WDCP: variants seen among roughly 807,000 people sequenced by gnomAD.
The protein encoded by WDCP is WD repeat and coiled-coil-containing protein.
Under a neutral mutation model 41.6 loss-of-function variants are expected in WDCP, and 19 were observed. The observed-to-expected ratio is 0.46, with a 90% CI of 0.32 to 0.67. WDCP has a LOEUF of 0.67. Among genes scored for constraint, WDCP ranks in the 30% least tolerant of loss-of-function variants. The pLI is 0.04. For synonymous variants in WDCP, 302 were observed against 320.8 expected (o/e 0.94, Z 0.63); for missense variants, 802 against 850.7 (o/e 0.94, Z 0.71).
At chr2:24,031,807 C>T (rs546103772) in intron 3 of WDCP, among the ~76,000 whole-genome samples, 1 of 150,032 alleles carries the variant, frequency 6.7e-6, no homozygotes, top group Admixed American at 6.6e-5. Context: ...GCCTGGGTGA[C>T]AGAGTGAGAC....
Position 24,038,575 on chromosome 2 carries a change from T to A in WDCP, c.920A>T (p.Asp307Val). The A allele has an allele frequency of 6.2e-7, 1 of 1,614,080 alleles. No homozygotes were observed. ...GNSLICLRKKDYLTGTGQDSS... is the reference protein window; with the variant it reads ...GNSLICLRKKVYLTGTGQDSS... Reference sequence around the variant, plus strand: ...ATCTTGGCCAGTTCCTGTCAAGTAGTCCTTTTTTCTTAGACAAATAAGAGA... The same window carrying A: ...ATCTTGGCCAGTTCCTGTCAAGTAGACCTTTTTTCTTAGACAAATAAGAGA... The change falls in exon 2 of 4, where the codon GAC becomes GTC. Residue 307 changes from aspartate (D) to valine (V), a missense_variant. This residue lies in a region of WDCP where 247 missense variants were observed against 240.5 expected (regional missense o/e 1.03). Coordinates refer to ENST00000295148, the MANE Select transcript of WDCP (RefSeq NM_025203.3).
chr2:24,032,028 CAT>C (rs995554906), intron 3 of WDCP, among the ~76,000 whole-genome samples: 11 of 152,136 alleles, frequency 7.2e-5, no homozygotes, highest in African/African-American at 2.7e-4. Context: ...GCATATTTTC[CAT>C]ATGTTTTGGC....
At position 24,035,667 on chromosome 2, in the gene WDCP, C is replaced by T. The variant is rs373679167; in HGVS notation, c.1818+2010G>A. On this transcript the variant is annotated intron_variant, in intron 2 of 3. Transcript: ENST00000295148. ...CAGTGGCTCACACCTGTAATCCCAG[C>T]GCTTTGGGAGGCTGAAGCAGGAGGA... Among the ~76,000 whole-genome samples the T allele has an allele frequency of 3.0e-4, 45 of 152,120 alleles. No homozygotes were observed. The South Asian group carries it at 5.2e-3, about 18-fold the overall frequency.
Position 24,031,150 on chromosome 2 carries a change from A to C in WDCP, c.1949T>G (p.Ile650Ser), listed in dbSNP as rs1333192650. Residue 650 changes from isoleucine to serine, a missense_variant, in exon 4 of 4, where the codon ATT becomes AGT. Physicochemically the swap from Ile to Ser is moderately radical, Grantham distance 142 (BLOSUM62 -2). Coordinates refer to ENST00000295148, the MANE Select transcript of WDCP (RefSeq NM_025203.3). Reference sequence around the variant, plus strand: ...GCCCTCACTGTCAGCAGAGAGAAGAATCCAGTGGGAATCTGCAAATAAAAA... The same window carrying C: ...GCCCTCACTGTCAGCAGAGAGAAGACTCCAGTGGGAATCTGCAAATAAAAA... ...LIEMLHDSHW[I>S]LLSADSEGFI... 6.2e-7 allele frequency: 1 copy of C among 1,611,746 alleles called. No individual in the cohort carries two copies. The highest frequency in any genetic ancestry group is 8.5e-7 in the Non-Finnish European group (1 of 1,178,252).
chr2:24,035,695 G>A (rs1388914200), intron 2 of WDCP, among the ~76,000 whole-genome samples: 2 of 151,320 alleles, frequency 1.3e-5, no homozygotes, highest in African/African-American at 2.4e-5. Flanking sequence ...CAGGAGGACT[G>A]CTTGAGCCCA....
At chr2:24,034,842 T>C (rs1407021135) in intron 2 of WDCP, among the ~76,000 whole-genome samples, 1 of 152,162 alleles carries the variant, frequency 6.6e-6, no homozygotes, top group Non-Finnish European at 1.5e-5. Flanking sequence ...CCCAAAGTTC[T>C]GGGGTTACAG....
Position 24,037,831 on chromosome 2 carries a change from TAA to T in WDCP, c.1662_1663del (p.Tyr555SerfsTer4). 1 of 1,614,208 alleles carries T rather than the reference TAA, an allele frequency of 6.2e-7. No homozygotes were observed. On this transcript the variant is annotated frameshift_variant, in exon 2 of 4. Coordinates refer to ENST00000295148, the MANE Select transcript of WDCP (RefSeq NM_025203.3). LOFTEE classifies it high-confidence loss of function. ...AATTTCCACTTCCTTAGACAGCTGA[TAA>T]GTTTCCTTTTCACTTTGTAAGTTCT...
intron 1 of WDCP, among the ~76,000 whole-genome samples, chr2:24,043,644 T>A (rs1295701486): frequency 6.6e-6 from 1 of 152,198 alleles, no homozygotes. Flanking sequence ...TAAAATGAAT[T>A]CCATTCCAAT....
Position 24,038,516 on chromosome 2 carries a change from C to G in WDCP, c.979G>C (p.Ala327Pro). 6.2e-7 allele frequency: 1 copy of G among 1,614,220 alleles called. No individual in the cohort carries two copies. The change falls in exon 2 of 4, where the codon GCA (alanine) becomes CCA (proline). Residue 327 changes from alanine to proline, a missense_variant. This residue lies in a region of WDCP where 247 missense variants were observed against 240.5 expected (regional missense o/e 1.03). Transcript: ENST00000295148. ...GTGACTTTTCTCGTCATGGTAACTG[C>G]CTTCTTAAAGGTCACAAGGACCAAA... is the stretch of plus-strand genomic sequence containing the variant. ...SHLVLVTFKKAVTMTRKVTIP... is the reference protein window; with the variant it reads ...SHLVLVTFKKPVTMTRKVTIP...
intron 1 of WDCP, among the ~76,000 whole-genome samples, chr2:24,045,630 A>G (rs1223477987): frequency 1.3e-5 from 1 of 79,530 alleles, no homozygotes; most frequent in Non-Finnish European, 2.4e-5. Context: ...AGAGAGAGAG[A>G]GAGGAAGGAA....
chr2:24,030,106 T>C lies in WDCP; in HGVS notation c.*827A>G, dbSNP rs1573651855. 1 of 150,406 alleles carries C rather than the reference T, an allele frequency of 6.6e-6. No homozygotes were observed. The allele number at this position is 150,406 out of a possible 1,614,324, so 9.3% of individuals were successfully genotyped here. ...AGGGAGCTGACTACTGGGAGAAAAA[T>C]AGGAAAGTTGCGTGATCCCAAAACT... On this transcript the variant is annotated 3_prime_UTR_variant, in exon 4 of 4. Coordinates refer to ENST00000295148, the MANE Select transcript of WDCP (RefSeq NM_025203.3).
chr2:24,045,144 G>A (rs1663571633), intron 1 of WDCP, among the ~76,000 whole-genome samples: 1 of 152,212 alleles, frequency 6.6e-6, no homozygotes, highest in South Asian at 2.1e-4. Context: ...TATTTCAGTA[G>A]AGAAAGAAGG....
In WDCP at chr2:24,039,365, C is replaced by A; in HGVS notation, c.130G>T (p.Gly44Ter). 6.2e-7 allele frequency: 1 copy of A among 1,614,260 alleles called. No individual in the cohort carries two copies. The highest frequency in any genetic ancestry group is 8.5e-7 in the Non-Finnish European group (1 of 1,180,038). ...TTGGAGTCCCCAAACTTGACCTCTC[C>A]ACTGTGAAGCCGCAAATCAGTTAGG... Reference protein sequence around the residue: ...VVLTDLRLHSGEVKFGDSKVI... With the variant: ...VVLTDLRLHS Residue 44 changes from glycine to a stop codon, truncating the protein, a stop_gained, in exon 2 of 4, where the codon GGA becomes TGA. Transcript: ENST00000295148. LOFTEE classifies it high-confidence loss of function.
intron 2 of WDCP, among the ~76,000 whole-genome samples, chr2:24,035,812 T>G (rs115024719): frequency 0.021 from 3,153 of 151,868 alleles, 113 homozygotes; most frequent in African/African-American, 0.072. Flanking sequence ...GGCTTACACG[T>G]GTAATCTCAG....
intron 1 of WDCP, among the ~76,000 whole-genome samples, chr2:24,045,436 T>C (rs1215926788): frequency 1.3e-5 from 2 of 151,802 alleles, no homozygotes; most frequent in Admixed American, 1.3e-4. Context: ...ACCCTGTCTC[T>C]ACTAAAAATA....
At position 24,038,492 on chromosome 2, in the gene WDCP, T is replaced by C; in HGVS notation, c.1003A>G (p.Thr335Ala). The change falls in exon 2 of 4, where the codon ACT becomes GCT. Residue 335 changes from threonine to alanine, a missense_variant. Physicochemically the swap from Thr to Ala is moderately conservative, Grantham distance 58 (BLOSUM62 0). Around this residue, in one of 5 missense-constraint regions of WDCP, gnomAD observed 247 missense variants for 240.5 expected, o/e 1.03. Transcript: ENST00000295148. ...TCAGGAACCAGAATGCCTGGAATAG[T>C]GACTTTTCTCGTCATGGTAACTGCC... ...KKAVTMTRKV[T>A]IPGILVPDLI... 6.2e-7 allele frequency: 1 copy of C among 1,614,244 alleles called. No homozygotes were observed. The highest frequency in any genetic ancestry group is 1.6e-4 in the Middle Eastern group (1 of 6,062).
rs751740335 is a variant in WDCP at position 24,039,426 on chromosome 2, G to A, written c.69C>T (p.Ile23=). Residue 23 remains isoleucine (I), a synonymous_variant, in exon 2 of 4, where the codon ATC becomes ATT. Transcript: ENST00000295148. ...TCCCATCGGTCCAGGCAAGGCCATG[G>A]ATCGGATGCACTGCTTGATGCAACG... ...LNALHQAVHP[I]HGLAWTDGNQ... The A allele has an allele frequency of 1.2e-6, 2 of 1,614,258 alleles. No individual in the cohort carries two copies. The highest frequency in any genetic ancestry group is 1.7e-6 in the Non-Finnish European group (2 of 1,180,050).
chr2:24,043,669 ATC>A (rs1325687011), intron 1 of WDCP, among the ~76,000 whole-genome samples: 1 of 152,152 alleles, frequency 6.6e-6, no homozygotes, highest in African/African-American at 2.4e-5. Flanking sequence ...TCTCCAAAAC[ATC>A]TCTCACCAGG....
In WDCP at chr2:24,033,026, T is replaced by C. The variant is rs907966183; in HGVS notation, c.1819-80A>G. On this transcript the variant is annotated intron_variant, in intron 2 of 3. Coordinates refer to ENST00000295148, the MANE Select transcript of WDCP (RefSeq NM_025203.3). Reference sequence around the variant, plus strand: ...ATTTCTTAAGAAAGGAATGTGTAAATAGTTTTTTAAAAAATTCTTATCTAT... The same window carrying C: ...ATTTCTTAAGAAAGGAATGTGTAAACAGTTTTTTAAAAAATTCTTATCTAT... 19 of 957,948 alleles carry C rather than the reference T, an allele frequency of 2.0e-5. No individual in the cohort carries two copies. The East Asian group carries it at 4.3e-4, about 22-fold the overall frequency. 59.3% of individuals were successfully genotyped at this position (957,948 alleles called of 1,614,324 possible).
Sources: allele counts gnomAD v4.1 joint callset (sites outside exome capture counted in the v4.1 genomes callset), GRCh38; gene constraint gnomAD v4.1.1; regional missense constraint gnomAD v4.1.1; transcripts MANE v1.5; gene names NCBI Gene and HGNC (gene_info 2026-07-23, HGNC 2026-07-21).